GTSE1: variants seen among roughly 807,000 people sequenced by gnomAD.
GTSE1 encodes the protein G2 and S-phase expressed 1.
GTSE1 carries 52 observed loss-of-function variants against 60.5 expected under a neutral mutation model. The observed-to-expected ratio is 0.86, with a 90% confidence interval of 0.69 to 1.08. GTSE1 has a LOEUF of 1.08. Among genes scored for constraint, GTSE1 ranks in the 50% least tolerant of loss-of-function variants. The probability of loss-of-function intolerance (pLI) is 0.00; values close to 1 mark genes in which losing one functional copy is unlikely to be tolerated. For synonymous variants in GTSE1, 368 were observed against 386.5 expected (o/e 0.95, Z 0.56); for missense variants, 937 against 961.8 (o/e 0.97, Z 0.34).
At chr22:46,325,608 A>G (rs1198877343) in intron 8 of GTSE1, among the ~76,000 whole-genome samples, 1 of 151,560 alleles carries the variant, frequency 6.6e-6, no homozygotes, top group Admixed American at 6.6e-5. Flanking sequence ...TGATCCTCAC[A>G]CTCCAGCCTC....
intron 2 of GTSE1, among the ~76,000 whole-genome samples, chr22:46,300,339 G>A (rs1183827059): frequency 2.0e-5 from 3 of 151,940 alleles, no homozygotes; most frequent in Non-Finnish European, 2.9e-5. Context: ...CAAGTGATCC[G>A]CCTGCCTCAG....
At position 46,316,630 on chromosome 22, in the gene GTSE1, A is replaced by G. The variant is rs911523544; in HGVS notation, c.1432+218A>G. Among the ~76,000 whole-genome samples, 12 of 152,166 alleles carry G rather than the reference A, an allele frequency of 7.9e-5. No individual in the cohort carries two copies. Among genetic ancestry groups the G allele is most frequent in the African/African-American group, 2.2e-4 (9 of 41,432 alleles). On this transcript the variant is annotated intron_variant, in intron 7 of 11. Coordinates refer to ENST00000454366, the MANE Select transcript of GTSE1 (RefSeq NM_016426.7). The surrounding 1 kb of genome is among the most constrained non-coding windows in gnomAD (Gnocchi z 5.0). ...TCGTTCCTGTGTGTGTGACACCCCA[A>G]TGCTCGTAGGCTGCTTGTAAGGTTT...
intron 2 of GTSE1, among the ~76,000 whole-genome samples, chr22:46,300,469 C>T (rs923854455): frequency 6.6e-6 from 1 of 152,182 alleles, no homozygotes; most frequent in African/African-American, 2.4e-5. Flanking sequence ...CTTGCCATGG[C>T]TTGCAAACCC....
chr22:46,326,689 A>G lies in GTSE1; in HGVS notation c.1724+35A>G, dbSNP rs1331344172. ...GAAGGTGGTAATAAATTGGTCTCAA[A>G]TTCCTAGGCTTGCTGTCCCAGACAG... On this transcript the variant is annotated intron_variant, in intron 9 of 11. Transcript: ENST00000454366. 2.0e-6 allele frequency: 3 copies of G among 1,482,834 alleles called. No individual in the cohort carries two copies. In the African/African-American group the frequency reaches 4.2e-5, roughly 21 times the overall value. The allele number at this position is 1,482,834 out of a possible 1,614,324, so 91.9% of individuals were successfully genotyped here. A position where few individuals can be genotyped will look rare whatever the true frequency, so the allele number is the denominator to read the frequency against.
In GTSE1 at chr22:46,317,347, G is replaced by A. The variant is rs2077787430; in HGVS notation, c.1432+935G>A. Reference sequence around the variant, plus strand: ...TTCTGCAGTGCCTAACAGCTGTGAAGCCCATCCAGTTAACTTTGTTTCTAA... The same window carrying A: ...TTCTGCAGTGCCTAACAGCTGTGAAACCCATCCAGTTAACTTTGTTTCTAA... On this transcript the variant is annotated intron_variant, in intron 7 of 11. Transcript: ENST00000454366. This position sits in a 1 kb window ranked among gnomAD's most constrained non-coding sequence, Gnocchi z 5.6. 6.6e-6 allele frequency among the ~76,000 whole-genome samples: 1 copy of A among 152,178 alleles called. No individual in the cohort carries two copies. Among genetic ancestry groups the A allele is most frequent in the African/African-American group, 2.4e-5 (1 of 41,438 alleles).
rs991933239 is a variant in GTSE1, at chr22:46,314,239, G to A, written c.1051+226G>A. 1.1e-4 allele frequency among the ~76,000 whole-genome samples: 16 copies of A among 152,184 alleles called. No individual in the cohort carries two copies. Among genetic ancestry groups the A allele is most frequent in the African/African-American group, 3.9e-4 (16 of 41,440 alleles). On this transcript the variant is annotated intron_variant, in intron 6 of 11. Transcript: ENST00000454366. This position sits in a 1 kb window ranked among gnomAD's most constrained non-coding sequence, Gnocchi z 7.1. Reference sequence around the variant, plus strand: ...TCAGATGGGTGGCTTCAGTCTACGGGGTACACATGGCCAGAAAGCATGTAT... The same window carrying A: ...TCAGATGGGTGGCTTCAGTCTACGGAGTACACATGGCCAGAAAGCATGTAT...
At chr22:46,305,447 G>A (rs1468962787) in intron 2 of GTSE1, among the ~76,000 whole-genome samples, 19 of 151,246 alleles carry the variant, frequency 1.3e-4, no homozygotes, top group Non-Finnish European at 1.9e-4. Context: ...GTCTCTACTA[G>A]AAATACAAAA....
rs1569043521 is a variant in GTSE1, at chr22:46,317,387, C to G, written c.1432+975C>G. Among the ~76,000 whole-genome samples, 1 of 152,164 alleles carries G rather than the reference C, an allele frequency of 6.6e-6. No individual in the cohort carries two copies. Among genetic ancestry groups the G allele is most frequent in the African/African-American group, 2.4e-5 (1 of 41,436 alleles). ...TTTGTTTCTAACATAATAGTTTCCC[C>G]TTATTTCTTCTCATGGTACTTGGGT... On this transcript the variant is annotated intron_variant, in intron 7 of 11. Transcript: ENST00000454366. This position sits in a 1 kb window ranked among gnomAD's most constrained non-coding sequence, Gnocchi z 5.6.
rs1035056594 is a variant in GTSE1 at position 46,314,836 on chromosome 22, A to G, written c.1051+823A>G. ...GGTTACCATGAGCCGAGATTGCATC[A>G]CTGCACTCCGTCTCAAAAAAAAAAA... is the stretch of plus-strand genomic sequence containing the variant. On this transcript the variant is annotated intron_variant, in intron 6 of 11. Transcript: ENST00000454366. The surrounding 1 kb of genome is among the most constrained non-coding windows in gnomAD (Gnocchi z 7.1). Among the ~76,000 whole-genome samples the G allele has an allele frequency of 1.4e-5, 2 of 143,990 alleles. No homozygotes were observed. The highest frequency in any genetic ancestry group is 3.0e-5 in the Non-Finnish European group (2 of 66,682). 94.5% of individuals were successfully genotyped at this position (143,990 alleles called of 152,430 possible).
chr22:46,299,862 G>A (rs144139458), intron 2 of GTSE1, among the ~76,000 whole-genome samples: 18 of 150,198 alleles, frequency 1.2e-4, no homozygotes, highest in African/African-American at 4.2e-4. Flanking sequence ...GCGTGATCTC[G>A]GCTTACTGCA....
rs531131300 is a variant in GTSE1, at chr22:46,317,128, AT to A, written c.1432+726del. ...AGGTGCCCACCACCACACCCGGCTA[AT>A]TTTTTTTTTGTATTTTTGGTAGAGA... On this transcript the variant is annotated intron_variant, in intron 7 of 11. Transcript: ENST00000454366. This position sits in a 1 kb window ranked among gnomAD's most constrained non-coding sequence, Gnocchi z 5.6. Among the ~76,000 whole-genome samples the A allele has an allele frequency of 5.4e-5, 8 of 148,856 alleles. No homozygotes were observed. The highest frequency in any genetic ancestry group is 6.7e-5 in the Admixed American group (1 of 14,976).
chr22:46,301,318 C>T (rs1169655349), intron 2 of GTSE1, among the ~76,000 whole-genome samples: 2 of 152,126 alleles, frequency 1.3e-5, no homozygotes, highest in Admixed American at 6.6e-5. Flanking sequence ...GTGTTTCTTA[C>T]TTCGATAGGT....
chr22:46,322,258 A>C (rs1302123112), intron 7 of GTSE1, among the ~76,000 whole-genome samples: 1 of 151,860 alleles, frequency 6.6e-6, no homozygotes, highest in Non-Finnish European at 1.5e-5. Context: ...GTTGCCAGAG[A>C]GAGGGGCTGT....
rs1198604614 is a variant in GTSE1 at position 46,328,984 on chromosome 22, C to T, written c.1926+95C>T. Reference sequence around the variant, plus strand: ...ACCCAGGGCTGTGGCTGGCGGAGTTCCCTGCCATGCTTCATCCTGGGGCCA... The same window carrying T: ...ACCCAGGGCTGTGGCTGGCGGAGTTTCCTGCCATGCTTCATCCTGGGGCCA... On this transcript the variant is annotated intron_variant, in intron 10 of 11. Transcript: ENST00000454366. 4 of 994,600 alleles carry T rather than the reference C, an allele frequency of 4.0e-6. No individual in the cohort carries two copies. The African/African-American group carries it at 4.8e-5, about 12-fold the overall frequency. The allele number at this position is 994,600 out of a possible 1,614,324, so 61.6% of individuals were successfully genotyped here.
Position 46,329,201 on chromosome 22 carries a change from C to A in GTSE1, c.1927-157C>A. On this transcript the variant is annotated intron_variant, in intron 10 of 11. Transcript: ENST00000454366. The surrounding 1 kb of genome is among the most constrained non-coding windows in gnomAD (Gnocchi z 6.4). Reference sequence around the variant, plus strand: ...GTGGGCAACAGTCAGAGAGGCACGGCCCACCCCATACAGAGCCTCCTTCCA... The same window carrying A: ...GTGGGCAACAGTCAGAGAGGCACGGACCACCCCATACAGAGCCTCCTTCCA... 2 of 718,426 alleles carry A rather than the reference C, an allele frequency of 2.8e-6. No homozygotes were observed. The highest frequency in any genetic ancestry group is 2.5e-5 in the East Asian group (1 of 40,440). The allele number at this position is 718,426 out of a possible 1,614,324, so 44.5% of individuals were successfully genotyped here.
At chr22:46,308,993 C>T (rs910087344) in intron 4 of GTSE1, 50 bp downstream of exon 4, 1 of 1,545,456 alleles carries the variant, frequency 6.5e-7, no homozygotes, top group African/African-American at 1.4e-5. Context: ...CTCCTTGCCC[C>T]TCAGCCCTCT....
intron 7 of GTSE1, 50 bp from the exon 8 acceptor site, chr22:46,323,140 T>C (rs374123904): frequency 8.4e-7 from 1 of 1,188,706 alleles, no homozygotes. Flanking sequence ...CAACAGTAGG[T>C]CTCCCCCTGA....
At chr22:46,312,433 A>T in intron 5 of GTSE1, 128 bp downstream of exon 5, 1 of 823,982 alleles carries the variant, frequency 1.2e-6, no homozygotes, top group Non-Finnish European at 1.9e-6. Flanking sequence ...TGAGCCCAGG[A>T]GTTCAAGACC....
chr22:46,324,134 T>C lies in GTSE1; in HGVS notation c.1505+872T>C, dbSNP rs926099705. ...CCACTTGCAAGTCTTTTGGTGACTC[T>C]GGGCTTTAGTTTCCTCCTGTGTGAG... On this transcript the variant is annotated intron_variant, in intron 8 of 11. Transcript: ENST00000454366. This position sits in a 1 kb window ranked among gnomAD's most constrained non-coding sequence, Gnocchi z 5.2. Among the ~76,000 whole-genome samples, 3 of 152,186 alleles carry C rather than the reference T, an allele frequency of 2.0e-5. No homozygotes were observed. Among genetic ancestry groups the C allele is most frequent in the African/African-American group, 7.2e-5 (3 of 41,460 alleles).
Sources: gnomAD v4.1 joint callset for allele counts (sites outside exome capture counted in the v4.1 genomes callset) on GRCh38, gnomAD v4.1.1 for gene constraint, Gnocchi (gnomAD v3.1) non-coding constraint, MANE v1.5 for transcripts, NCBI Gene and HGNC (gene_info 2026-07-23, HGNC 2026-07-21) for gene names.